The following RAB7A variants were observed in gnomAD, a reference collection of about 807,000 sequenced individuals.
The protein encoded by RAB7A is RAB7A, member RAS oncogene family.
RAB7A carries 2 observed loss-of-function variants against 24.5 expected under a neutral mutation model. That is an observed-to-expected ratio of 0.08 (90% CI 0.03 to 0.26). The LOEUF (loss-of-function observed/expected upper bound fraction) is 0.26. Ranked by LOEUF, RAB7A falls within the 10% of genes least tolerant of loss-of-function variation. The probability of loss-of-function intolerance (pLI) is 1.00; values close to 1 mark genes in which losing one functional copy is unlikely to be tolerated. For synonymous variants in RAB7A, 100 were observed against 95.9 expected, an observed-to-expected ratio of 1.04 and a Z score of -0.25; for missense variants, 118 against 255.7, an observed-to-expected ratio of 0.46 and a Z score of 3.67.
chr3:128,809,141 C>CT (rs1354722039), intron 5 of RAB7A, among the ~76,000 whole-genome samples: 4 of 152,200 alleles, frequency 2.6e-5, no homozygotes, highest in Non-Finnish European at 2.9e-5. Context: ...GCATCACTGT[C>CT]TGAGTTTTTC....
At position 128,807,699 on chromosome 3, in the gene RAB7A, C is replaced by G; in HGVS notation, c.528+28C>G. 4 of 1,613,842 alleles carry G rather than the reference C, an allele frequency of 2.5e-6. 1 individual carries two copies. The South Asian group carries it at 4.4e-5, about 18-fold the overall frequency. On this transcript the variant is annotated intron_variant, in intron 5 of 5. Transcript: ENST00000265062. Reference sequence around the variant, plus strand: ...GGGTCTCCCACAGCTGACCAGCCCACTCTGGTGATGCCTGACCACTGACCC... The same window carrying G: ...GGGTCTCCCACAGCTGACCAGCCCAGTCTGGTGATGCCTGACCACTGACCC...
At chr3:128,730,106 C>T (rs541730679) in intron 1 of RAB7A, among the ~76,000 whole-genome samples, 1 of 152,336 alleles carries the variant, frequency 6.6e-6, no homozygotes, top group East Asian at 1.9e-4. Flanking sequence ...TCTCTGTCTG[C>T]AGTTTGCTGC....
chr3:128,795,107 G>A, intron 1 of RAB7A: 2 of 541,996 alleles, frequency 3.7e-6, no homozygotes, highest in Non-Finnish European at 3.3e-6. Flanking sequence ...CACCACCCAA[G>A]TGAGAGAATA....
chr3:128,795,464 A>AAGCCTCTCTGCTGTGG, intron 2 of RAB7A, 44 bp downstream of exon 2: 1 of 1,554,208 alleles, frequency 6.4e-7, no homozygotes, highest in Admixed American at 1.7e-5. Context: ...GCTTAGAGCT[A>AAGCCTCTCTGCTGTGG]AGCCTCTCTG....
At chr3:128,809,311 T>G (rs181042120) in intron 5 of RAB7A, among the ~76,000 whole-genome samples, 48 of 152,364 alleles carry the variant, frequency 3.2e-4, no homozygotes, top group Non-Finnish European at 5.1e-4. Flanking sequence ...GGGCTTGCTT[T>G]CTTCTACCTC....
chr3:128,806,529 G>GA lies in RAB7A; in HGVS notation c.339dup (p.Asp114ArgfsTer3). 6.2e-7 allele frequency: 1 copy of GA among 1,614,102 alleles called. No homozygotes were observed. The highest frequency in any genetic ancestry group is 8.5e-7 in the Non-Finnish European group (1 of 1,180,014). Reference sequence around the variant, plus strand: ...GAGTTTCTCATCCAGGCCAGTCCCCGAGATCCTGAAAACTTCCCATTTGTT... The same window carrying GA: ...GAGTTTCTCATCCAGGCCAGTCCCCGAAGATCCTGAAAACTTCCCATTTGTT... On this transcript the variant is annotated frameshift_variant, in exon 4 of 6. Transcript: ENST00000265062. LOFTEE classifies it high-confidence loss of function.
At chr3:128,790,001 A>G (rs1303585517) in intron 1 of RAB7A, among the ~76,000 whole-genome samples, 1 of 152,056 alleles carries the variant, frequency 6.6e-6, no homozygotes, top group Non-Finnish European at 1.5e-5. Context: ...CATGTTGGCC[A>G]GGATGGATTT....
At chr3:128,782,226 C>T (rs1169021109) in intron 1 of RAB7A, among the ~76,000 whole-genome samples, 3 of 152,188 alleles carry the variant, frequency 2.0e-5, no homozygotes, top group African/African-American at 7.2e-5. Flanking sequence ...AGAACCTGGC[C>T]TGCTACCTTG....
intron 1 of RAB7A, among the ~76,000 whole-genome samples, chr3:128,727,771 A>G (rs1412117109): frequency 6.6e-6 from 1 of 152,176 alleles, no homozygotes; most frequent in Non-Finnish European, 1.5e-5. Context: ...CAGCTGATGA[A>G]GCACATGATT....
intron 1 of RAB7A, among the ~76,000 whole-genome samples, chr3:128,754,784 A>C (rs1221633996): frequency 2.0e-5 from 3 of 152,180 alleles, no homozygotes; most frequent in Non-Finnish European, 4.4e-5. Context: ...ACTTTAAATC[A>C]AAAAAGTTTA....
intron 1 of RAB7A, among the ~76,000 whole-genome samples, chr3:128,792,614 G>T (rs1430255671): frequency 6.6e-6 from 1 of 150,870 alleles, no homozygotes; most frequent in Non-Finnish European, 1.5e-5. Flanking sequence ...CACTATGTTG[G>T]CCAGGGTGGT....
chr3:128,782,568 C>T (rs543286603), intron 1 of RAB7A, among the ~76,000 whole-genome samples: 1 of 151,402 alleles, frequency 6.6e-6, no homozygotes, highest in Non-Finnish European at 1.5e-5. Context: ...CCTTCTGATA[C>T]TTAGCCACCC....
At chr3:128,756,947 G>A (rs1014062090) in intron 1 of RAB7A, among the ~76,000 whole-genome samples, 1 of 151,604 alleles carries the variant, frequency 6.6e-6, no homozygotes, top group Non-Finnish European at 1.5e-5. Flanking sequence ...GGGTTCAAGC[G>A]ATTCTCCTGC....
chr3:128,802,925 C>T (rs1054004039), intron 3 of RAB7A, among the ~76,000 whole-genome samples: 1 of 152,190 alleles, frequency 6.6e-6, no homozygotes, highest in Non-Finnish European at 1.5e-5. Flanking sequence ...CTGCCTCGGC[C>T]TCCCAAGTAG....
chr3:128,773,209 C>G (rs1047791800), intron 1 of RAB7A, among the ~76,000 whole-genome samples: 1 of 152,176 alleles, frequency 6.6e-6, no homozygotes, highest in Non-Finnish European at 1.5e-5. Flanking sequence ...GCCGCGACCC[C>G]GTCTGGGATA....
At chr3:128,791,802 T>G (rs570551056) in intron 1 of RAB7A, among the ~76,000 whole-genome samples, 102 of 152,240 alleles carry the variant, frequency 6.7e-4, no homozygotes, top group South Asian at 1.9e-3. Flanking sequence ...AGGTATTGAG[T>G]CGGCACAGTC....
intron 1 of RAB7A, among the ~76,000 whole-genome samples, chr3:128,777,435 C>T (rs922725204): frequency 6.6e-6 from 1 of 152,108 alleles, no homozygotes; most frequent in African/African-American, 2.4e-5. Flanking sequence ...CTCCTGGGTT[C>T]AAGCAGTCCT....
chr3:128,735,091 T>C (rs746895115), intron 1 of RAB7A, among the ~76,000 whole-genome samples: 33 of 152,234 alleles, frequency 2.2e-4, no homozygotes, highest in Non-Finnish European at 3.2e-4. Flanking sequence ...TCTTCTCTAC[T>C]ATAAGAAAAC....
At chr3:128,737,651 C>CTT (rs76319408) in intron 1 of RAB7A, among the ~76,000 whole-genome samples, 4 of 138,736 alleles carry the variant, frequency 2.9e-5, no homozygotes, top group Admixed American at 7.3e-5. Context: ...TTCTGTCTCT[C>CTT]TTTTTTTTTT....
Sources: allele counts gnomAD v4.1 joint callset (sites outside exome capture counted in the v4.1 genomes callset), GRCh38; gene constraint gnomAD v4.1.1; transcripts MANE v1.5; gene names NCBI Gene and HGNC (gene_info 2026-07-23, HGNC 2026-07-21).